ATL1: variants seen among roughly 807,000 people sequenced by gnomAD.
ATL1 encodes atlastin GTPase 1.
Under a neutral mutation model 75.5 loss-of-function variants are expected in ATL1, and 31 were observed. That is an observed-to-expected ratio of 0.41 (90% CI 0.31 to 0.55). ATL1 has a LOEUF of 0.55. Among genes scored for constraint, ATL1 ranks in the 20% least tolerant of loss-of-function variants. The pLI is 0.27. For missense variants in ATL1, 405 were observed against 662.6 expected, an observed-to-expected ratio of 0.61 and a Z score of 4.27; for synonymous variants, 226 against 233.3, an observed-to-expected ratio of 0.97 and a Z score of 0.28.
chr14:50,550,191 G>A lies in ATL1; in HGVS notation c.-139-9936G>A, dbSNP rs2038684318. On this transcript the variant is annotated intron_variant, in intron 1 of 13. Coordinates refer to the ATL1 transcript ENST00000441560. The stretch of plus-strand genomic sequence containing the variant: ...TCATAGTGCAGATTGCATAGGCAAG[G>A]CTGGAAGCTTACCAATTGGCTACTA... Among the ~76,000 whole-genome samples, 2 of 152,240 alleles carry A rather than the reference G, an allele frequency of 1.3e-5. 1 individual carries two copies. Among genetic ancestry groups the A allele is most frequent in the South Asian group, 4.1e-4 (2 of 4,830 alleles).
intron 1 of ATL1, among the ~76,000 whole-genome samples, chr14:50,554,485 G>T (rs764173271): frequency 3.2e-4 from 49 of 152,306 alleles, no homozygotes; most frequent in Admixed American, 9.2e-4. Flanking sequence ...AAAGAGCTGG[G>T]GAATGGGGTG....
chr14:50,537,661 C>T lies in ATL1; in HGVS notation c.-140+4294C>T, dbSNP rs553837561. ...TGCCCAAGACCATGGGAACCAACCTCTTGCATCAGCATGACTTAGATGTGA... is the reference window on the plus strand; with the variant it reads ...TGCCCAAGACCATGGGAACCAACCTTTTGCATCAGCATGACTTAGATGTGA... On this transcript the variant is annotated intron_variant, in intron 1 of 13. Coordinates refer to the ATL1 transcript ENST00000441560. 3.9e-5 allele frequency among the ~76,000 whole-genome samples: 6 copies of T among 152,372 alleles called. No homozygotes were observed. The South Asian group carries it at 8.3e-4, about 21-fold the overall frequency.
chr14:50,630,057 T>C (rs770756719), intron 13 of ATL1, 48 bp downstream of exon 13: 3 of 1,301,698 alleles, frequency 2.3e-6, no homozygotes, highest in East Asian at 4.6e-5. Context: ...GTAAACATTA[T>C]GATATTATTT....
chr14:50,587,584 A>T (rs572248962), intron 1 of ATL1, among the ~76,000 whole-genome samples: 2 of 151,238 alleles, frequency 1.3e-5, no homozygotes, highest in East Asian at 1.9e-4. Context: ...GAATTTTAAA[A>T]TTTTTTGTAT....
chr14:50,596,998 T>C (rs983184136), intron 6 of ATL1, among the ~76,000 whole-genome samples: 3 of 151,050 alleles, frequency 2.0e-5, no homozygotes, highest in Non-Finnish European at 4.4e-5. Context: ...TTGCTTGAGG[T>C]CAGGAGTTCA....
Position 50,550,582 on chromosome 14 carries a change from G to A in ATL1, c.-139-9545G>A, listed in dbSNP as rs970945601. Among the ~76,000 whole-genome samples, 8 of 152,328 alleles carry A rather than the reference G, an allele frequency of 5.3e-5. No individual in the cohort carries two copies. The South Asian group carries it at 1.0e-3, about 20-fold the overall frequency. ...CCAATAAGGCAACCCAGGATCACTA[G>A]GGATTGTCTCTGCAGGAAGGCCTGA... On this transcript the variant is annotated intron_variant, in intron 1 of 13. Coordinates refer to the ATL1 transcript ENST00000441560.
chr14:50,551,533 G>A (rs1334141347), intron 1 of ATL1, among the ~76,000 whole-genome samples: 1 of 152,046 alleles, frequency 6.6e-6, no homozygotes, highest in African/African-American at 2.4e-5. Flanking sequence ...TTTGAAGGCA[G>A]TATTACCCTA....
intron 1 of ATL1, among the ~76,000 whole-genome samples, chr14:50,561,400 C>T (rs2140175363): frequency 6.6e-6 from 1 of 152,246 alleles, no homozygotes; most frequent in South Asian, 2.1e-4. Context: ...ATATTTTGTT[C>T]ATCAGCTTGT....
intron 1 of ATL1, among the ~76,000 whole-genome samples, chr14:50,566,621 C>T (rs1190471423): frequency 3.3e-5 from 5 of 152,242 alleles, no homozygotes; most frequent in East Asian, 1.9e-4. Context: ...ATTCACATTT[C>T]CTCCTCAGTG....
intron 1 of ATL1, among the ~76,000 whole-genome samples, chr14:50,583,909 C>T (rs1174679578): frequency 3.3e-5 from 5 of 152,024 alleles, no homozygotes; most frequent in African/African-American, 7.3e-5. Flanking sequence ...TTGTGTAAAA[C>T]TCTTACTTAT....
At chr14:50,562,635 G>A (rs768940103) in intron 1 of ATL1, among the ~76,000 whole-genome samples, 1 of 150,434 alleles carries the variant, frequency 6.6e-6, no homozygotes, top group Non-Finnish European at 1.5e-5. Flanking sequence ...CATCAGGAAA[G>A]TTTCAACTCA....
intron 8 of ATL1, 136 bp from the exon 9 acceptor site, chr14:50,620,463 C>T (rs2039456820): frequency 7.8e-6 from 7 of 902,094 alleles, no homozygotes; most frequent in African/African-American, 5.0e-5. Context: ...TTTCAGGAGT[C>T]GCTTAAATGA....
intron 6 of ATL1, among the ~76,000 whole-genome samples, chr14:50,612,919 G>T (rs2039379511): frequency 6.6e-6 from 1 of 152,060 alleles, no homozygotes; most frequent in South Asian, 2.1e-4. Flanking sequence ...ATACCTATCA[G>T]AAAGGAAGAT....
At chr14:50,564,804 GA>G (rs2038887416) in intron 1 of ATL1, among the ~76,000 whole-genome samples, 1 of 152,038 alleles carries the variant, frequency 6.6e-6, no homozygotes, top group Non-Finnish European at 1.5e-5. Context: ...GGCATTTGTG[GA>G]AAATTAATTT....
At chr14:50,617,792 C>T (rs776152588) in intron 8 of ATL1, among the ~76,000 whole-genome samples, 64 of 152,206 alleles carry the variant, frequency 4.2e-4, no homozygotes, top group Non-Finnish European at 7.5e-4. Flanking sequence ...TAATGCCCCT[C>T]GGCAAATCGA....
chr14:50,587,188 A>G (rs2039109925), intron 1 of ATL1, among the ~76,000 whole-genome samples: 1 of 152,112 alleles, frequency 6.6e-6, no homozygotes, highest in South Asian at 2.1e-4. Flanking sequence ...AGAAAGTGTG[A>G]ACTACAACCA....
At chr14:50,553,336 C>A (rs956762421) in intron 1 of ATL1, among the ~76,000 whole-genome samples, 1 of 151,072 alleles carries the variant, frequency 6.6e-6, no homozygotes, top group African/African-American at 2.4e-5. Context: ...ATACAGACAG[C>A]CAACAAACAT....
intron 2 of ATL1, among the ~76,000 whole-genome samples, chr14:50,588,959 AATTATTT>A (rs1463331140): frequency 1.3e-5 from 2 of 152,130 alleles, no homozygotes; most frequent in African/African-American, 4.8e-5. Context: ...CCTCAATAGT[AATTATTT>A]ATTGACTACC....
chr14:50,579,278 C>T (rs1445488970), intron 1 of ATL1, among the ~76,000 whole-genome samples: 1 of 152,094 alleles, frequency 6.6e-6, no homozygotes, highest in African/African-American at 2.4e-5. Flanking sequence ...TGCAGTGGCA[C>T]CTTTGTTGTA....
Sources: gnomAD v4.1 joint callset for allele counts (sites outside exome capture counted in the v4.1 genomes callset) on GRCh38, gnomAD v4.1.1 for gene constraint, MANE v1.5 for transcripts, NCBI Gene and HGNC (gene_info 2026-07-23, HGNC 2026-07-21) for gene names.